The following PPP1R36 variants were observed in gnomAD, a reference collection of about 807,000 sequenced individuals.
PPP1R36 encodes the protein chromosome 14 open reading frame 50.
In PPP1R36, 47 loss-of-function variants were observed where a neutral mutation model predicts 53.4. The ratio of observed to expected loss-of-function variants is 0.88; its 90% confidence interval spans 0.70 to 1.12. The LOEUF (loss-of-function observed/expected upper bound fraction) is 1.12, where lower values mean the gene tolerates loss of function less well. PPP1R36 is among the 50% of genes most tolerant of loss of function. PPP1R36 has a pLI of 0.00. For missense variants in PPP1R36, 456 were observed against 513.9 expected (o/e 0.89, Z 1.09); for synonymous variants, 153 against 170.5 (o/e 0.90, Z 0.80).
intron 8 of PPP1R36, among the ~76,000 whole-genome samples, chr14:64,582,066 T>C (rs1596746525): frequency 6.6e-6 from 1 of 152,168 alleles, no homozygotes; most frequent in Admixed American, 6.5e-5. Context: ...AGGCTAGCGG[T>C]GGGGCTGACG....
At position 64,552,836 on chromosome 14, in the gene PPP1R36, C is replaced by T. The variant is rs141838156; in HGVS notation, c.157C>T (p.Gln53Ter). ...FRRFAAEDSV[Q>*]WLLKHHPHFT... ...CAGGTTTGCCGCAGAAGATTCTGTC[C>T]AGTGGCTCCTGAAACATCACCCTCA... Residue 53 changes from glutamine to a stop codon, truncating the protein, a stop_gained, in exon 3 of 12, where the codon CAG (glutamine) becomes TAG (stop). Coordinates refer to ENST00000298705, the MANE Select transcript of PPP1R36 (RefSeq NM_172365.3). LOFTEE classifies it high-confidence loss of function. 1.2e-4 allele frequency: 201 copies of T among 1,613,860 alleles called. No homozygotes were observed. Among genetic ancestry groups the T allele is most frequent in the Middle Eastern group, 3.3e-4 (2 of 6,062 alleles).
chr14:64,556,762 A>ATTGTGTGTGTG (rs1555351248), intron 3 of PPP1R36, among the ~76,000 whole-genome samples: 1 of 133,970 alleles, frequency 7.5e-6, no homozygotes, highest in Non-Finnish European at 1.6e-5. Flanking sequence ...TCTCCAAAAA[A>ATTGTGTGTGTG]TGTGTGTGTG....
At chr14:64,553,245 G>A (rs545920171) in intron 3 of PPP1R36, among the ~76,000 whole-genome samples, 84 of 152,148 alleles carry the variant, frequency 5.5e-4, no homozygotes, top group African/African-American at 1.9e-3. Flanking sequence ...GTGAGCCACC[G>A]CATCTGGCTG....
intron 4 of PPP1R36, among the ~76,000 whole-genome samples, chr14:64,565,053 A>G (rs2080238287): frequency 6.6e-6 from 1 of 152,222 alleles, no homozygotes; most frequent in East Asian, 1.9e-4. Flanking sequence ...CACATCTTCA[A>G]CTTTTTACAG....
At chr14:64,583,562 C>G (rs1596748031) in intron 8 of PPP1R36, among the ~76,000 whole-genome samples, 1 of 151,974 alleles carries the variant, frequency 6.6e-6, no homozygotes, top group East Asian at 1.9e-4. Context: ...CGCCTGTAAC[C>G]CCAGCACTTC....
intron 7 of PPP1R36, among the ~76,000 whole-genome samples, chr14:64,573,992 T>A (rs1384238303): frequency 1.4e-5 from 2 of 142,176 alleles, no homozygotes; most frequent in Non-Finnish European, 3.0e-5. Context: ...TGATTAAATA[T>A]GAAGGGACTT....
Position 64,565,657 on chromosome 14 carries a change from G to A in PPP1R36, c.399G>A (p.Glu133=), listed in dbSNP as rs1345398617. The A allele has an allele frequency of 1.9e-6, 3 of 1,613,684 alleles. No homozygotes were observed. Among genetic ancestry groups the A allele is most frequent in the Admixed American group, 1.7e-5 (1 of 60,000 alleles). The part of the protein sequence containing the change: ...FVTLLLLQDT[E]MQRICSFTTF... ...CTTTGCTTTTGCTACAAGATACTGA[G>A]ATGCAGCGGATCTGTTCTTTTACAA... is the stretch of plus-strand genomic sequence containing the variant. Residue 133 remains glutamate (E), a synonymous_variant, in exon 6 of 12, where the codon GAG becomes GAA. Coordinates refer to ENST00000298705, the MANE Select transcript of PPP1R36 (RefSeq NM_172365.3).
chr14:64,563,150 G>T (rs984685313), intron 3 of PPP1R36, among the ~76,000 whole-genome samples: 6 of 152,186 alleles, frequency 3.9e-5, no homozygotes, highest in Non-Finnish European at 7.4e-5. Flanking sequence ...GCAGGCGAGA[G>T]CCACCGTGCC....
intron 7 of PPP1R36, among the ~76,000 whole-genome samples, chr14:64,574,249 C>T (rs964183968): frequency 3.3e-5 from 5 of 152,096 alleles, no homozygotes; most frequent in African/African-American, 9.7e-5. Context: ...TGGTGGCATG[C>T]GCCTATGAGG....
chr14:64,569,086 G>GA (rs1224521490), intron 7 of PPP1R36, among the ~76,000 whole-genome samples: 1 of 151,782 alleles, frequency 6.6e-6, no homozygotes, highest in Non-Finnish European at 1.5e-5. Flanking sequence ...CACATCACAG[G>GA]AAAAAAAATT....
intron 3 of PPP1R36, among the ~76,000 whole-genome samples, chr14:64,553,171 T>G (rs2080110847): frequency 6.6e-6 from 1 of 152,052 alleles, no homozygotes; most frequent in African/African-American, 2.4e-5. Flanking sequence ...CCCAGGCTGG[T>G]CTCGAACTCC....
At chr14:64,584,235 C>T (rs2080414167) in intron 8 of PPP1R36, among the ~76,000 whole-genome samples, 1 of 152,088 alleles carries the variant, frequency 6.6e-6, no homozygotes, top group Non-Finnish European at 1.5e-5. Context: ...AAAAAGAACC[C>T]AGAAAGAAAA....
Position 64,586,706 on chromosome 14 carries a change from A to G in PPP1R36, c.669-131A>G, listed in dbSNP as rs1045789372. 3 of 600,776 alleles carry G rather than the reference A, an allele frequency of 5.0e-6. No individual in the cohort carries two copies. The Admixed American group carries it at 9.4e-5, about 19-fold the overall frequency. The allele number at this position is 600,776 out of a possible 1,614,324, so 37.2% of individuals were successfully genotyped here. A position where few individuals can be genotyped will look rare whatever the true frequency, so the allele number is the denominator to read the frequency against. On this transcript the variant is annotated intron_variant, in intron 8 of 11. Transcript: ENST00000298705. The stretch of plus-strand genomic sequence containing the variant: ...TGAGACTCTTTATCAATGCCTTTTG[A>G]TAGCATTTGTGTAGCTGAAAATAAT...
intron 6 of PPP1R36, among the ~76,000 whole-genome samples, chr14:64,568,027 T>A (rs2080274277): frequency 6.6e-6 from 1 of 152,198 alleles, no homozygotes; most frequent in Non-Finnish European, 1.5e-5. Context: ...GAATTTTTAC[T>A]TGATACATTT....
At chr14:64,551,282 C>T (rs1380162804) in intron 2 of PPP1R36, among the ~76,000 whole-genome samples, 1 of 152,146 alleles carries the variant, frequency 6.6e-6, no homozygotes, top group Non-Finnish European at 1.5e-5. Flanking sequence ...TGACTTAGCC[C>T]AATCACACAG....
intron 8 of PPP1R36, among the ~76,000 whole-genome samples, chr14:64,585,289 G>A (rs2080422549): frequency 6.6e-6 from 1 of 152,178 alleles, no homozygotes. Context: ...GGTGAGGTAG[G>A]TGGATAGCTT....
At chr14:64,587,144 T>C in intron 9 of PPP1R36, 50 bp from the exon 10 acceptor site, 1 of 1,433,406 alleles carries the variant, frequency 7.0e-7, no homozygotes, top group Non-Finnish European at 9.6e-7. Flanking sequence ...AGGTAAGAGT[T>C]TTCCATTTCA....
rs189526986 is a variant in PPP1R36 at position 64,554,239 on chromosome 14, C to G, written c.182+1378C>G. 1.5e-3 allele frequency among the ~76,000 whole-genome samples: 222 copies of G among 151,068 alleles called. 1 individual carries two copies. The highest frequency in any genetic ancestry group is 5.0e-3 in the African/African-American group (206 of 41,008). On this transcript the variant is annotated intron_variant, in intron 3 of 11. Transcript: ENST00000298705. ...CGGTCCTGGCTCACGGCAACCTCCC[C>G]CTCCCGGGTTCAAGCGATTCTCTTG...
chr14:64,588,232 A>G lies in PPP1R36; in HGVS notation c.1019A>G (p.Asp340Gly). 1 of 1,614,068 alleles carries G rather than the reference A, an allele frequency of 6.2e-7. No homozygotes were observed. Among genetic ancestry groups the G allele is most frequent in the Non-Finnish European group, 8.5e-7 (1 of 1,179,952 alleles). The change falls in exon 11 of 12, where the codon GAC becomes GGC. Residue 340 changes from aspartate to glycine, a missense_variant. Coordinates refer to ENST00000298705, the MANE Select transcript of PPP1R36 (RefSeq NM_172365.3). ...TTTGAGAAAAAGTATCATCAAGTAG[A>G]CGTCAGATTCCCAGCCGAGATGCAA... ...NVFEKKYHQVDVRFPAEMQKH... is the reference protein window; with the variant it reads ...NVFEKKYHQVGVRFPAEMQKH...
Sources: gnomAD v4.1 joint callset for allele counts (sites outside exome capture counted in the v4.1 genomes callset) on GRCh38, gnomAD v4.1.1 for gene constraint, MANE v1.5 for transcripts, NCBI Gene and HGNC (gene_info 2026-07-23, HGNC 2026-07-21) for gene names.